The following HECW2 variants were observed in gnomAD, a reference collection of about 807,000 sequenced individuals.
The protein encoded by HECW2 is E3 ubiquitin-protein ligase HECW2.
A neutral mutation model predicts 175.2 loss-of-function variants in HECW2; 61 were observed. That is an observed-to-expected ratio of 0.35 (90% CI 0.28 to 0.43). HECW2 has a LOEUF of 0.43. HECW2 is among the 20% of genes least tolerant of loss of function. HECW2 has a pLI of 1.00. For synonymous variants in HECW2, 671 were observed against 731.0 expected (o/e 0.92, Z 1.32); for missense variants, 1,524 against 2,000.5 (o/e 0.76, Z 4.54).
At chr2:196,461,657 T>C (rs1482056084) in intron 1 of HECW2, among the ~76,000 whole-genome samples, 3 of 152,110 alleles carry the variant, frequency 2.0e-5, no homozygotes, top group Non-Finnish European at 4.4e-5. Flanking sequence ...CTTACATTCA[T>C]GGCAGAAGGT....
At chr2:196,588,423 G>C (rs1691063998) in intron 1 of HECW2, among the ~76,000 whole-genome samples, 1 of 152,184 alleles carries the variant, frequency 6.6e-6, no homozygotes, top group Admixed American at 6.5e-5. Flanking sequence ...AGCCATCAGA[G>C]GTTTTTAAGC....
chr2:196,318,463 A>G (rs2105752513), intron 9 of HECW2, 89 bp downstream of exon 9: 1 of 1,343,048 alleles, frequency 7.4e-7, no homozygotes, highest in Non-Finnish European at 9.7e-7. Context: ...TGTAACCTGC[A>G]GCCTTATTTA....
chr2:196,239,246 T>C (rs1342178979), intron 21 of HECW2: 1 of 152,106 alleles, frequency 6.6e-6, no homozygotes, highest in African/African-American at 2.4e-5. Context: ...TAGGAATAGC[T>C]GGGAGACTAC....
At chr2:196,298,227 A>G (rs1690891681) in intron 13 of HECW2, among the ~76,000 whole-genome samples, 1 of 152,236 alleles carries the variant, frequency 6.6e-6, no homozygotes, top group Non-Finnish European at 1.5e-5. Context: ...GCTATAAAAG[A>G]CATGGCACTA....
At chr2:196,551,515 C>T (rs766969347) in intron 1 of HECW2, among the ~76,000 whole-genome samples, 5 of 152,136 alleles carry the variant, frequency 3.3e-5, no homozygotes, top group Non-Finnish European at 7.4e-5. Context: ...CAGAACTTGG[C>T]TTCTGTTTAC....
chr2:196,425,429 T>C (rs1029509700), intron 2 of HECW2, among the ~76,000 whole-genome samples: 7 of 152,120 alleles, frequency 4.6e-5, no homozygotes, highest in Admixed American at 1.3e-4. Flanking sequence ...CTCTGATGAA[T>C]CTGGGCAAAG....
chr2:196,242,517 A>G (rs915938095), intron 19 of HECW2: 25 of 304,330 alleles, frequency 8.2e-5, no homozygotes, highest in Non-Finnish European at 1.3e-4. Flanking sequence ...ACTCATGTCT[A>G]GTAGTAACTG....
At chr2:196,502,439 TAAATTCTACA>T (rs1687609996) in intron 1 of HECW2, among the ~76,000 whole-genome samples, 1 of 152,340 alleles carries the variant, frequency 6.6e-6, no homozygotes, top group Non-Finnish European at 1.5e-5. Flanking sequence ...TGAGGACCCC[TAAATTCTACA>T]AAAAGTTCAA....
intron 1 of HECW2, among the ~76,000 whole-genome samples, chr2:196,546,064 G>A (rs6745410): frequency 0.036 from 5,419 of 152,136 alleles, 319 homozygotes; most frequent in African/African-American, 0.12. Flanking sequence ...ACATTATTTC[G>A]AACACAAGGA....
At chr2:196,561,600 C>T (rs1226833359) in intron 1 of HECW2, among the ~76,000 whole-genome samples, 3 of 152,138 alleles carry the variant, frequency 2.0e-5, no homozygotes, top group South Asian at 2.1e-4. Flanking sequence ...ATGTCTCCCC[C>T]GGCCACCTAG....
chr2:196,324,887 A>G (rs1692088510), intron 6 of HECW2, 93 bp downstream of exon 6: 1 of 1,091,886 alleles, frequency 9.2e-7, no homozygotes, highest in Non-Finnish European at 1.3e-6. Context: ...GACACTTCAT[A>G]AACAACCTGA....
At chr2:196,325,218 G>T in intron 5 of HECW2, 69 bp from the exon 6 acceptor site, 1 of 1,161,982 alleles carries the variant, frequency 8.6e-7, no homozygotes, top group Non-Finnish European at 1.2e-6. Context: ...AAGAAAGGAG[G>T]AAGGGAGAGA....
chr2:196,252,478 G>T, intron 19 of HECW2, among the ~76,000 whole-genome samples: 1 of 152,044 alleles, frequency 6.6e-6, no homozygotes, highest in Middle Eastern at 3.4e-3. Flanking sequence ...GAATGGTTTC[G>T]CACCACTCCC....
rs1321836364 is a variant in HECW2 at position 196,510,801 on chromosome 2, T to C, written c.-35-77343A>G. Among the ~76,000 whole-genome samples the C allele has an allele frequency of 1.3e-5, 2 of 152,180 alleles. 1 individual carries two copies. The highest frequency in any genetic ancestry group is 1.3e-4 in the Admixed American group (2 of 15,282). The stretch of plus-strand genomic sequence containing the variant: ...GTAGCACTGTGGTTTTAATTAGTAG[T>C]ATGAAGCTAATTTAATGGTGACTTA... On this transcript the variant is annotated intron_variant, in intron 1 of 28. Coordinates refer to ENST00000644978, the MANE Select transcript of HECW2 (RefSeq NM_001348768.2).
intron 2 of HECW2, among the ~76,000 whole-genome samples, chr2:196,408,825 T>G (rs2125223060): frequency 6.6e-6 from 1 of 152,362 alleles, no homozygotes; most frequent in East Asian, 1.9e-4. Flanking sequence ...TGGACTCGTT[T>G]GAAGTAAGCT....
intron 1 of HECW2, among the ~76,000 whole-genome samples, chr2:196,476,756 G>A (rs1159951788): frequency 6.6e-6 from 1 of 151,792 alleles, no homozygotes; most frequent in African/African-American, 2.4e-5. Context: ...GATAAATTCA[G>A]AAAAGAAGGG....
chr2:196,381,078 C>A (rs186801623), intron 2 of HECW2, among the ~76,000 whole-genome samples: 17 of 152,208 alleles, frequency 1.1e-4, no homozygotes, highest in Non-Finnish European at 1.8e-4. Context: ...TAAGAAAACC[C>A]CTGACCTAAG....
intron 21 of HECW2, 150 bp downstream of exon 21, chr2:196,240,297 TTA>T: frequency 4.7e-6 from 2 of 428,622 alleles, no homozygotes; most frequent in Non-Finnish European, 8.3e-6. Context: ...GAGGAGACCT[TTA>T]AAAAAAAAAA....
chr2:196,320,056 T>C, intron 8 of HECW2, 152 bp from the exon 9 acceptor site: 1 of 765,326 alleles, frequency 1.3e-6, no homozygotes, highest in Non-Finnish European at 2.0e-6. Flanking sequence ...CACTACTAAA[T>C]GAGGAGACTG....
Sources: allele counts gnomAD v4.1 joint callset (sites outside exome capture counted in the v4.1 genomes callset), GRCh38; gene constraint gnomAD v4.1.1; transcripts MANE v1.5; gene names NCBI Gene and HGNC (gene_info 2026-07-23, HGNC 2026-07-21).